Variants in TAOK3 observed in about 807,000 individuals in gnomAD.
The protein encoded by TAOK3 is serine/threonine-protein kinase TAO3.
A neutral mutation model predicts 120.4 loss-of-function variants in TAOK3; 40 were observed. That is an observed-to-expected ratio of 0.33 (90% CI 0.26 to 0.43). The LOEUF is 0.43. TAOK3 is among the 20% of genes least tolerant of loss of function. TAOK3 has a pLI of 1.00. For missense variants in TAOK3, 821 were observed against 1,112.1 expected, an observed-to-expected ratio of 0.74 and a Z score of 3.72; for synonymous variants, 355 against 387.5, an observed-to-expected ratio of 0.92 and a Z score of 0.99.
intron 1 of TAOK3, among the ~76,000 whole-genome samples, chr12:118,369,135 A>G (rs1195605375): frequency 1.3e-5 from 2 of 151,820 alleles, no homozygotes; most frequent in Non-Finnish European, 2.9e-5. Context: ...CTGCAGTGAG[A>G]GAATATCCCG....
intron 3 of TAOK3, among the ~76,000 whole-genome samples, chr12:118,251,122 A>T (rs747003091): frequency 3.3e-5 from 5 of 152,104 alleles, no homozygotes; most frequent in Non-Finnish European, 7.4e-5. Flanking sequence ...ATGGGATGAG[A>T]TTTACATTTC....
chr12:118,361,686 T>TGACCTCAAGTGATCCACC (rs2045604532), intron 1 of TAOK3, among the ~76,000 whole-genome samples: 1 of 152,176 alleles, frequency 6.6e-6, no homozygotes, highest in Non-Finnish European at 1.5e-5. Flanking sequence ...CTTGAACTCC[T>TGACCTCAAGTGATCCACC]GACCTCAAGT....
At chr12:118,283,907 G>T (rs900782752) in intron 1 of TAOK3, among the ~76,000 whole-genome samples, 1 of 152,168 alleles carries the variant, frequency 6.6e-6, no homozygotes, top group Non-Finnish European at 1.5e-5. Flanking sequence ...CAGTCTATTG[G>T]GTCTAGATTG....
At position 118,218,466 on chromosome 12, in the gene TAOK3, A is replaced by T. The variant is rs1214701086; in HGVS notation, c.644-4356T>A. Among the ~76,000 whole-genome samples, 4 of 152,200 alleles carry T rather than the reference A, an allele frequency of 2.6e-5. No homozygotes were observed. In the South Asian group the frequency reaches 6.2e-4, roughly 24 times the overall value. On this transcript the variant is annotated intron_variant, in intron 9 of 20. Transcript: ENST00000392533. ...TAGTATTTGCATGTAACCTGCACAC[A>T]TCCTTCTGTCTGTATACTTTAAATC... is the stretch of plus-strand genomic sequence containing the variant.
At chr12:118,179,028 T>C (rs1401327852) in intron 15 of TAOK3, among the ~76,000 whole-genome samples, 1 of 152,196 alleles carries the variant, frequency 6.6e-6, no homozygotes, top group African/African-American at 2.4e-5. Context: ...TTATGAACAA[T>C]TCTCACAACA....
In TAOK3 at chr12:118,178,132, C is replaced by T. The variant is rs192829158; in HGVS notation, c.1567-803G>A. On this transcript the variant is annotated intron_variant, in intron 15 of 20. Coordinates refer to ENST00000392533, the MANE Select transcript of TAOK3 (RefSeq NM_016281.4). Reference sequence around the variant, plus strand: ...TGGCTAAGTATTTTTAAAAAATGATCGTAGAGACTGGGTCCCACTTTGTTG... The same window carrying T: ...TGGCTAAGTATTTTTAAAAAATGATTGTAGAGACTGGGTCCCACTTTGTTG... 2.0e-5 allele frequency among the ~76,000 whole-genome samples: 3 copies of T among 152,156 alleles called. No homozygotes were observed. The East Asian group carries it at 5.9e-4, about 30-fold the overall frequency.
chr12:118,279,257 A>G (rs966808975), intron 1 of TAOK3, among the ~76,000 whole-genome samples: 2 of 152,026 alleles, frequency 1.3e-5, no homozygotes, highest in African/African-American at 4.8e-5. Flanking sequence ...TCCTTTGCCC[A>G]CTTTTTAATG....
intron 13 of TAOK3, among the ~76,000 whole-genome samples, chr12:118,195,847 G>A (rs1246330403): frequency 6.6e-6 from 1 of 152,000 alleles, no homozygotes. Context: ...TCAGGAGATC[G>A]AGACCATCCC....
intron 1 of TAOK3, among the ~76,000 whole-genome samples, chr12:118,328,803 A>G (rs1215251305): frequency 6.6e-6 from 1 of 152,256 alleles, no homozygotes; most frequent in East Asian, 1.9e-4. Context: ...AGTGTTAATC[A>G]AGATAACAAG....
chr12:118,265,381 ACT>A (rs969591780), intron 2 of TAOK3, among the ~76,000 whole-genome samples: 2 of 144,836 alleles, frequency 1.4e-5, no homozygotes, highest in African/African-American at 5.1e-5. Flanking sequence ...AGAGTGAAAC[ACT>A]GTCTCAGGAA....
intron 11 of TAOK3, among the ~76,000 whole-genome samples, chr12:118,201,996 T>G (rs2038046947): frequency 6.6e-6 from 1 of 152,104 alleles, no homozygotes; most frequent in Non-Finnish European, 1.5e-5. Context: ...TTTCATTTTG[T>G]GTTTTATTCT....
intron 4 of TAOK3, among the ~76,000 whole-genome samples, chr12:118,243,978 C>G (rs1336173505): frequency 6.6e-6 from 1 of 152,144 alleles, no homozygotes; most frequent in Non-Finnish European, 1.5e-5. Context: ...TGTGCCCGGC[C>G]TAAACATGCC....
In TAOK3 at chr12:118,160,008, C is replaced by T; in HGVS notation, c.2352+138G>A. ...TGGCTTGGCTTTATTCAACGTCGTC[C>T]TTTCCTCAGTCCTTTGGGCAGAAAA... On this transcript the variant is annotated intron_variant, in intron 19 of 20. Transcript: ENST00000392533. This position sits in a 1 kb window ranked among gnomAD's most constrained non-coding sequence, Gnocchi z 4.2. 1 of 751,204 alleles carries T rather than the reference C, an allele frequency of 1.3e-6. No homozygotes were observed. Among genetic ancestry groups the T allele is most frequent in the Non-Finnish European group, 2.2e-6 (1 of 445,716 alleles). The allele number at this position is 751,204 out of a possible 1,614,324, so 46.5% of individuals were successfully genotyped here. A position where few individuals can be genotyped will look rare whatever the true frequency, so the allele number is the denominator to read the frequency against.
At chr12:118,240,304 C>T (rs530384675) in intron 5 of TAOK3, among the ~76,000 whole-genome samples, 50 of 151,726 alleles carry the variant, frequency 3.3e-4, no homozygotes, top group Non-Finnish European at 5.3e-4. Flanking sequence ...CTCAGCCTCC[C>T]GAGTAGCTGG....
At chr12:118,366,244 A>T (rs1320706676) in intron 1 of TAOK3, among the ~76,000 whole-genome samples, 5 of 152,218 alleles carry the variant, frequency 3.3e-5, no homozygotes, top group African/African-American at 4.8e-5. Context: ...AGCCTGAGCG[A>T]AAGAGCGAGA....
intron 11 of TAOK3, among the ~76,000 whole-genome samples, chr12:118,203,853 T>A (rs1367493622): frequency 2.0e-5 from 3 of 152,184 alleles, no homozygotes; most frequent in Non-Finnish European, 4.4e-5. Context: ...AACAGACCTA[T>A]CAACCAAACA....
intron 1 of TAOK3, among the ~76,000 whole-genome samples, chr12:118,283,376 G>A (rs1428252163): frequency 6.6e-6 from 1 of 152,170 alleles, no homozygotes; most frequent in African/African-American, 2.4e-5. Context: ...AGCAGGGGAT[G>A]GAGATGGGTA....
intron 13 of TAOK3, among the ~76,000 whole-genome samples, chr12:118,195,127 A>AG (rs1008584956): frequency 1.3e-5 from 2 of 152,134 alleles, no homozygotes; most frequent in African/African-American, 4.8e-5. Flanking sequence ...ATTAAAAAAA[A>AG]GAAAAAAATG....
chr12:118,177,698 C>A (rs1394084284), intron 15 of TAOK3, among the ~76,000 whole-genome samples: 1 of 152,018 alleles, frequency 6.6e-6, no homozygotes, highest in Non-Finnish European at 1.5e-5. Flanking sequence ...TCGTGCATGC[C>A]TGTAATCCCA....
Sources: gnomAD v4.1 joint callset for allele counts (sites outside exome capture counted in the v4.1 genomes callset) on GRCh38, gnomAD v4.1.1 for gene constraint, Gnocchi (gnomAD v3.1) non-coding constraint, MANE v1.5 for transcripts, NCBI Gene and HGNC (gene_info 2026-07-23, HGNC 2026-07-21) for gene names.